Variants in ERCC4 observed in about 807,000 individuals in gnomAD.
ERCC4 encodes the protein ERCC excision repair 4, endonuclease catalytic subunit.
In ERCC4, 65 loss-of-function variants were observed where a neutral mutation model predicts 76.9. The ratio of observed to expected loss-of-function variants is 0.84; its 90% CI spans 0.69 to 1.04. ERCC4 has a LOEUF of 1.04. Among genes scored for constraint, ERCC4 ranks in the 50% least tolerant of loss-of-function variants. ERCC4 has a pLI of 0.00. For synonymous variants in ERCC4, 463 were observed against 410.1 expected (o/e 1.13, Z -1.56); for missense variants, 1,214 against 1,128.2 (o/e 1.08, Z -1.09).
chr16:13,936,912 C>CT (rs1182142266), intron 8 of ERCC4, among the ~76,000 whole-genome samples: 95 of 138,060 alleles, frequency 6.9e-4, no homozygotes, highest in Non-Finnish European at 6.8e-4. Context: ...TTTTTTTTTC[C>CT]TTTTTTTTTT....
intron 2 of ERCC4, among the ~76,000 whole-genome samples, chr16:13,924,046 C>T (rs905076116): frequency 4.6e-5 from 7 of 152,282 alleles, no homozygotes; most frequent in Middle Eastern, 3.4e-3. Context: ...CAAAGCCCAC[C>T]GAATAATGAA....
At position 13,949,427 on chromosome 16, in the gene ERCC4, T is replaced by C. The variant is rs1420513327; in HGVS notation, c.*1080T>C. 4.3e-6 allele frequency: 1 copy of C among 232,438 alleles called. No homozygotes were observed. The highest frequency in any genetic ancestry group is 8.5e-6 in the Non-Finnish European group (1 of 117,928). The allele number at this position is 232,438 out of a possible 1,614,324, so 14.4% of individuals were successfully genotyped here. On this transcript the variant is annotated 3_prime_UTR_variant, in exon 11 of 11. Transcript: ENST00000311895. Reference sequence around the variant, plus strand: ...TATTACAAAAAGAAAAGAAAAGAAATACAACCTAAGCTCACCTGCCTGTGA... The same window carrying C: ...TATTACAAAAAGAAAAGAAAAGAAACACAACCTAAGCTCACCTGCCTGTGA...
At chr16:13,939,554 G>T (rs1032474483) in intron 9 of ERCC4, among the ~76,000 whole-genome samples, 1 of 152,058 alleles carries the variant, frequency 6.6e-6, no homozygotes, top group African/African-American at 2.4e-5. Context: ...TGGAAAGGGG[G>T]TTATGTTGAA....
intron 2 of ERCC4, among the ~76,000 whole-genome samples, chr16:13,925,161 T>C (rs923190380): frequency 6.6e-6 from 1 of 152,210 alleles, no homozygotes; most frequent in Non-Finnish European, 1.5e-5. Context: ...TGAAAATCTA[T>C]AGAAACACCT....
chr16:13,948,725 G>A lies in ERCC4; in HGVS notation c.*378G>A, dbSNP rs1291513424. 8 of 235,298 alleles carry A rather than the reference G, an allele frequency of 3.4e-5. No individual in the cohort carries two copies. The Admixed American group carries it at 4.4e-4, about 13-fold the overall frequency. 14.6% of individuals were successfully genotyped at this position (235,298 alleles called of 1,614,324 possible). On this transcript the variant is annotated 3_prime_UTR_variant, in exon 11 of 11. Coordinates refer to ENST00000311895, the MANE Select transcript of ERCC4 (RefSeq NM_005236.3). ...ATGGACGGTGCAGGGAGGGAAAAGA[G>A]CAGGCACAAGAAAGCTACCATTTTT...
At position 13,947,785 on chromosome 16, in the gene ERCC4, G is replaced by A. The variant is rs772589823; in HGVS notation, c.2189G>A (p.Ser730Asn). The change falls in exon 11 of 11, where the codon AGT becomes AAT. Residue 730 changes from serine to asparagine, a missense_variant. Physicochemically the swap from Ser to Asn is conservative, Grantham distance 46. Coordinates refer to ENST00000311895, the MANE Select transcript of ERCC4 (RefSeq NM_005236.3). Reference protein sequence around the residue: ...PEMCVERKSISDLIGSLNNGR... With the variant: ...PEMCVERKSINDLIGSLNNGR... ...ATGTGCGTGGAGCGCAAGAGTATCAGTGATTTAATCGGCTCTTTAAATAAC... is the reference window on the plus strand; with the variant it reads ...ATGTGCGTGGAGCGCAAGAGTATCAATGATTTAATCGGCTCTTTAAATAAC... 2 of 1,614,258 alleles carry A rather than the reference G, an allele frequency of 1.2e-6. No individual in the cohort carries two copies. Among genetic ancestry groups the A allele is most frequent in the Admixed American group, 3.3e-5 (2 of 60,030 alleles).
At chr16:13,935,067 G>A in intron 7 of ERCC4, 79 bp from the exon 8 acceptor site, 1 of 1,057,656 alleles carries the variant, frequency 9.5e-7, no homozygotes, top group Admixed American at 1.7e-5. Context: ...CTTCCCTTCG[G>A]GTGAAGGAAT....
intron 1 of ERCC4, among the ~76,000 whole-genome samples, chr16:13,921,036 G>T (rs1438272716): frequency 1.3e-5 from 2 of 152,184 alleles, no homozygotes; most frequent in African/African-American, 4.8e-5. Flanking sequence ...TAGGAATAAC[G>T]GGAGAGTCCT....
intron 5 of ERCC4, chr16:13,931,564 T>G (rs1189016453): frequency 6.4e-6 from 1 of 156,984 alleles, no homozygotes; most frequent in Non-Finnish European, 1.4e-5. Flanking sequence ...TGTACAATTA[T>G]GGAGCATTCT....
chr16:13,931,136 A>C, intron 5 of ERCC4: 1 of 509,778 alleles, frequency 2.0e-6, no homozygotes, highest in East Asian at 3.5e-5. Flanking sequence ...TTTCTAGAAA[A>C]GACTGTGTGT....
Position 13,935,685 on chromosome 16 carries a change from C to T in ERCC4, c.1753C>T (p.Leu585=). 1 of 1,614,160 alleles carries T rather than the reference C, an allele frequency of 6.2e-7. No homozygotes were observed. The highest frequency in any genetic ancestry group is 1.3e-5 in the African/African-American group (1 of 75,036). Residue 585 remains leucine (L), a synonymous_variant, in exon 8 of 11, where the codon CTA becomes TTA. Coordinates refer to ENST00000311895, the MANE Select transcript of ERCC4 (RefSeq NM_005236.3). ...PRYVVLYDAE[L]TFVRQLEIYR... is the part of the protein sequence containing the mutation. ...ATACGTGGTTCTTTATGACGCAGAGCTAACCTTTGTTCGGCAGCTTGAAAT... is the reference window on the plus strand; with the variant it reads ...ATACGTGGTTCTTTATGACGCAGAGTTAACCTTTGTTCGGCAGCTTGAAAT...
chr16:13,946,439 G>A (rs139265365), intron 10 of ERCC4, among the ~76,000 whole-genome samples: 11 of 152,312 alleles, frequency 7.2e-5, no homozygotes, highest in African/African-American at 2.6e-4. Context: ...AAGTATTTGT[G>A]TATGTAAACA....
Position 13,948,273 on chromosome 16 carries a change from A to G in ERCC4, c.2677A>G (p.Asn893Asp), listed in dbSNP as rs201926295. 4.1e-4 allele frequency: 655 copies of G among 1,613,992 alleles called. No individual in the cohort carries two copies. Among genetic ancestry groups the G allele is most frequent in the Non-Finnish European group, 5.2e-4 (611 of 1,180,032 alleles). Residue 893 changes from asparagine to aspartate, a missense_variant, in exon 11 of 11, where the codon AAT becomes GAT. Asn to Asp is a conservative substitution (Grantham distance 23, BLOSUM62 1). Transcript: ENST00000311895. ...CACGAGTATTCTGGGGAATGCTGCAAATGCCAAACAGCTTTATGATTTCAT... is the reference window on the plus strand; with the variant it reads ...CACGAGTATTCTGGGGAATGCTGCAGATGCCAAACAGCTTTATGATTTCAT... ...ELTSILGNAA[N>D]AKQLYDFIHT...
rs886051664 is a variant in ERCC4 at position 13,935,395 on chromosome 16, A to G, written c.1463A>G (p.Lys488Arg). The change falls in exon 8 of 11, where the codon AAA (lysine) becomes AGA (arginine). Residue 488 changes from lysine (K) to arginine (R), a missense_variant. Physicochemically the swap from Lys to Arg is conservative, Grantham distance 26. Transcript: ENST00000311895. Reference sequence around the variant, plus strand: ...ACCAAAGAAAGAACCCTCAAAAAGAAAAAACGGAAGTTGACCTTAACTCAA... The same window carrying G: ...ACCAAAGAAAGAACCCTCAAAAAGAGAAAACGGAAGTTGACCTTAACTCAA... Reference protein sequence around the residue: ...ASTKERTLKKKKRKLTLTQMV... With the variant: ...ASTKERTLKKRKRKLTLTQMV... 3.1e-6 allele frequency: 5 copies of G among 1,608,828 alleles called. No individual in the cohort carries two copies.
At position 13,935,323 on chromosome 16, in the gene ERCC4, A is replaced by C; in HGVS notation, c.1391A>C (p.Lys464Thr). The C allele has an allele frequency of 1.2e-6, 2 of 1,613,812 alleles. No homozygotes were observed. The highest frequency in any genetic ancestry group is 2.2e-5 in the South Asian group (2 of 91,002). ...GAAGACAGTTCAAAGAGAATTAGGA[A>C]ATCTCACAAAAGACCTAAAGACCCC... Reference protein sequence around the residue: ...RKEDSSKRIRKSHKRPKDPQN... With the variant: ...RKEDSSKRIRTSHKRPKDPQN... Residue 464 changes from lysine (K) to threonine (T), a missense_variant, in exon 8 of 11, where the codon AAA becomes ACA. Transcript: ENST00000311895.
chr16:13,927,951 TG>T lies in ERCC4; in HGVS notation c.585-73del, dbSNP rs2032101615. ...GTGTTGTTTGTAGCATTTATAAAAA[TG>T]GGGTGTTAAACCAAGACCAGAAATA... On this transcript the variant is annotated intron_variant, in intron 3 of 10. Transcript: ENST00000311895. 37 of 950,036 alleles carry T rather than the reference TG, an allele frequency of 3.9e-5. No homozygotes were observed. The South Asian group carries it at 4.9e-4, about 13-fold the overall frequency. 58.9% of individuals were successfully genotyped at this position (950,036 alleles called of 1,614,324 possible).
chr16:13,931,726 A>G (rs2032175680), intron 5 of ERCC4: 2 of 174,514 alleles, frequency 1.1e-5, no homozygotes, highest in South Asian at 2.9e-4. Flanking sequence ...GCCAATCCAC[A>G]TATTTTCCTA....
At position 13,947,905 on chromosome 16, in the gene ERCC4, C is replaced by T; in HGVS notation, c.2309C>T (p.Thr770Ile). 6.2e-7 allele frequency: 1 copy of T among 1,614,196 alleles called. No individual in the cohort carries two copies. The highest frequency in any genetic ancestry group is 8.5e-7 in the Non-Finnish European group (1 of 1,180,036). Residue 770 changes from threonine to isoleucine, a missense_variant, in exon 11 of 11, where the codon ACT (threonine) becomes ATT (isoleucine). Physicochemically the swap from Thr to Ile is moderately conservative, Grantham distance 89. Coordinates refer to ENST00000311895, the MANE Select transcript of ERCC4 (RefSeq NM_005236.3). Reference protein sequence around the residue: ...EFDPSKPFSLTSRGALFQEIS... With the variant: ...EFDPSKPFSLISRGALFQEIS... ...GACCCTAGCAAGCCTTTCTCTCTCA[C>T]TTCCCGAGGTGCCTTGTTTCAGGAG...
At position 13,933,862 on chromosome 16, in the gene ERCC4, T is replaced by C. The variant is rs1029435349; in HGVS notation, c.1103-330T>C. The C allele has an allele frequency of 1.5e-5, 3 of 205,056 alleles. No homozygotes were observed. The Admixed American group carries it at 1.6e-4, about 11-fold the overall frequency. The allele number at this position is 205,056 out of a possible 1,614,324, so 12.7% of individuals were successfully genotyped here. ...TGGGGATTTTAGAAATAGTAAATAC[T>C]GTCATTGTGTACCGATGCCTTTGTT... On this transcript the variant is annotated intron_variant, in intron 6 of 10. Transcript: ENST00000311895.
Sources: gnomAD v4.1 joint callset for allele counts (sites outside exome capture counted in the v4.1 genomes callset) on GRCh38, gnomAD v4.1.1 for gene constraint, MANE v1.5 for transcripts, NCBI Gene and HGNC (gene_info 2026-07-23, HGNC 2026-07-21) for gene names.